The following PIEZO1 variants were observed in gnomAD, a reference collection of about 807,000 sequenced individuals.
The protein encoded by PIEZO1 is piezo-type mechanosensitive ion channel component 1.
PIEZO1 carries 296 observed loss-of-function variants against 297.2 expected under a neutral mutation model. That is an observed-to-expected ratio of 1.00 (90% CI 0.91 to 1.10). The LOEUF is 1.10. Ranked by LOEUF, PIEZO1 falls within the 50% of genes least tolerant of loss-of-function variation. The pLI is 0.00. For synonymous variants in PIEZO1, 2,427 were observed against 1,507.5 expected (o/e 1.61, Z -14.13); for missense variants, 5,018 against 3,455.5 (o/e 1.45, Z -11.34).
At chr16:88,762,711 G>T (rs1034892863) in intron 1 of PIEZO1, among the ~76,000 whole-genome samples, 2 of 152,218 alleles carry the variant, frequency 1.3e-5, no homozygotes, top group Non-Finnish European at 2.9e-5. Flanking sequence ...GGCTTCTGTT[G>T]TGCCACTTGT....
chr16:88,757,331 G>GGGGGGGT (rs1567687620), intron 1 of PIEZO1, among the ~76,000 whole-genome samples: 5 of 117,310 alleles, frequency 4.3e-5, no homozygotes, highest in African/African-American at 2.1e-4. Flanking sequence ...GGGGGGTGGG[G>GGGGGGGT]GGTAGTTACC....
At chr16:88,781,169 G>A (rs1237350228) in intron 1 of PIEZO1, among the ~76,000 whole-genome samples, 1 of 152,220 alleles carries the variant, frequency 6.6e-6, no homozygotes, top group Non-Finnish European at 1.5e-5. Context: ...GGCCCACGGT[G>A]GTTCCCCTTC....
At position 88,769,520 on chromosome 16, in the gene PIEZO1, G is replaced by C. The variant is rs111270945; in HGVS notation, c.64+15381C>G. ...GACAGACCTGCGGAACGCCTCGGCA[G>C]CAATGGAGCTGTGGGACCGGTCCCG... On this transcript the variant is annotated intron_variant, in intron 1 of 50. Coordinates refer to ENST00000301015, the MANE Select transcript of PIEZO1 (RefSeq NM_001142864.4). 6.3e-3 allele frequency among the ~76,000 whole-genome samples: 964 copies of C among 152,326 alleles called. 14 individuals carry two copies. Among genetic ancestry groups the C allele is most frequent in the African/African-American group, 0.021 (854 of 41,570 alleles).
chr16:88,754,424 C>T (rs1012239266), intron 1 of PIEZO1, among the ~76,000 whole-genome samples: 6 of 152,230 alleles, frequency 3.9e-5, no homozygotes, highest in Admixed American at 3.9e-4. Context: ...CAGGGGATGT[C>T]AGATGCCTGA....
intron 39 of PIEZO1, 131 bp downstream of exon 39, chr16:88,721,035 A>T: frequency 2.1e-6 from 2 of 975,172 alleles, no homozygotes; most frequent in South Asian, 3.5e-5. Flanking sequence ...GTGGCTCAGA[A>T]GTGGCACCTT....
Position 88,723,913 on chromosome 16 carries a change from A to G in PIEZO1, c.4293T>C (p.Ala1431=), listed in dbSNP as rs1390762514. 1.3e-6 allele frequency: 2 copies of G among 1,549,814 alleles called. No homozygotes were observed. The highest frequency in any genetic ancestry group is 2.7e-5 in the African/African-American group (2 of 73,058). Residue 1431 remains alanine, a synonymous_variant, in exon 31 of 51, where the codon GCT becomes GCC. Transcript: ENST00000301015. ...FESDSEEEEE[A]VPEDPRPSAQ... ...CCGACGGCCTCGGGTCTTCAGGAACAGCCTCCTCCTCTTCCTCACTGTCGG... is the reference window on the plus strand; with the variant it reads ...CCGACGGCCTCGGGTCTTCAGGAACGGCCTCCTCCTCTTCCTCACTGTCGG...
chr16:88,745,935 G>C (rs954234394), intron 2 of PIEZO1, among the ~76,000 whole-genome samples: 125 of 152,252 alleles, frequency 8.2e-4, no homozygotes, highest in African/African-American at 2.8e-3. Context: ...GCCCCACCAC[G>C]GCAGCATCCT....
At position 88,726,527 on chromosome 16, in the gene PIEZO1, C is replaced by T. The variant is rs1687263843; in HGVS notation, c.3796+20G>A. On this transcript the variant is annotated intron_variant, in intron 26 of 50. Coordinates refer to ENST00000301015, the MANE Select transcript of PIEZO1 (RefSeq NM_001142864.4). ...GGGGGCTTCCCCACGCCCTCCCCCG[C>T]CACCGTCCTGGCCACTCACGGTCAT... 3 of 1,547,224 alleles carry T rather than the reference C, an allele frequency of 1.9e-6. No homozygotes were observed. The highest frequency in any genetic ancestry group is 2.7e-5 in the African/African-American group (2 of 72,972).
Position 88,733,361 on chromosome 16 carries a change from A to T in PIEZO1, c.2581T>A (p.Trp861Arg), listed in dbSNP as rs952164888. Residue 861 changes from tryptophan to arginine, a missense_variant, in exon 19 of 51, where the codon TGG becomes AGG. Coordinates refer to ENST00000301015, the MANE Select transcript of PIEZO1 (RefSeq NM_001142864.4). ...TTACACACGATGATGACGCAGGTCC[A>T]CACGGTGGACAGGCAGGAGGCCATG... The part of the protein sequence containing the change: ...RPMASCLSTV[W>R]TCVIIVCKML... 1 of 1,550,264 alleles carries T rather than the reference A, an allele frequency of 6.5e-7. No homozygotes were observed.
rs1905027580 is a variant in PIEZO1 at position 88,733,711 on chromosome 16, C to T, written c.2364G>A (p.Leu788=). The T allele has an allele frequency of 6.5e-7, 1 of 1,547,912 alleles. No individual in the cohort carries two copies. The highest frequency in any genetic ancestry group is 1.2e-5 in the South Asian group (1 of 83,796). The change falls in exon 18 of 51, where the codon CTG becomes CTA. Residue 788 remains leucine (L), a synonymous_variant. Coordinates refer to ENST00000301015, the MANE Select transcript of PIEZO1 (RefSeq NM_001142864.4). The stretch of plus-strand genomic sequence containing the variant: ...CCGAGAAGCCGGCTGCCAGCTCCAG[C>T]AGCCGCTCAGCCACCAGGCCCCACT... ...AAKWGLVAER[L]LELAAGFSDV...
chr16:88,782,392 G>A (rs1907975431), intron 1 of PIEZO1, among the ~76,000 whole-genome samples: 1 of 152,212 alleles, frequency 6.6e-6, no homozygotes, highest in African/African-American at 2.4e-5. Flanking sequence ...GATTACAGGT[G>A]TGAGCCATCG....
intron 29 of PIEZO1, 114 bp from the exon 30 acceptor site, chr16:88,725,194 A>C: frequency 3.8e-6 from 3 of 792,212 alleles, no homozygotes; most frequent in Non-Finnish European, 5.9e-6. Context: ...GGACACCCAC[A>C]GTGACGGGGG....
Position 88,736,781 on chromosome 16 carries a change from CAGGCCT to C in PIEZO1, c.1196-48_1196-43del, listed in dbSNP as rs1905249074. ...CGGTCAGCTTCGGCAGGTTGATCTG[CAGGCCT>C]CCCCACCCTGACTATGCCCTAAAAT... On this transcript the variant is annotated intron_variant, in intron 10 of 50. Transcript: ENST00000301015. 4 of 1,281,112 alleles carry C rather than the reference CAGGCCT, an allele frequency of 3.1e-6. No individual in the cohort carries two copies. The South Asian group carries it at 4.0e-5, about 13-fold the overall frequency. 79.4% of individuals were successfully genotyped at this position (1,281,112 alleles called of 1,614,324 possible). A position where few individuals can be genotyped will look rare whatever the true frequency, so the allele number is the denominator to read the frequency against.
rs114403731 is a variant in PIEZO1, at chr16:88,738,357, T to C, written c.718A>G (p.Ile240Val). The C allele has an allele frequency of 6.8e-4, 1,041 of 1,535,636 alleles. 7 individuals carry two copies. The African/African-American group carries it at 0.012, about 17-fold the overall frequency. Residue 240 changes from isoleucine to valine, a missense_variant, in exon 7 of 51, where the codon ATC (isoleucine) becomes GTC (valine). Physicochemically the swap from Ile to Val is conservative, Grantham distance 29. Coordinates refer to ENST00000301015, the MANE Select transcript of PIEZO1 (RefSeq NM_001142864.4). ...AGTCTGCTGAAGCCCCGAGTGCTGA[T>C]GGGAAAGTGGCAGGCCCACCAGGTG... ...LCTWWACHFP[I>V]STRGFSRLCV...
chr16:88,776,511 G>C (rs1394441014), intron 1 of PIEZO1, among the ~76,000 whole-genome samples: 1 of 152,194 alleles, frequency 6.6e-6, no homozygotes, highest in Admixed American at 6.5e-5. Context: ...AGCTTCCCTT[G>C]GAGGGGCCCC....
chr16:88,739,006 G>A (rs1905453723), intron 5 of PIEZO1: 3 of 540,552 alleles, frequency 5.5e-6, no homozygotes, highest in Non-Finnish European at 6.7e-6. Context: ...GTCCTGCCAA[G>A]CCCAGGCACG....
At chr16:88,766,361 G>C (rs1372471984) in intron 1 of PIEZO1, among the ~76,000 whole-genome samples, 1 of 152,196 alleles carries the variant, frequency 6.6e-6, no homozygotes, top group Non-Finnish European at 1.5e-5. Context: ...TTGACAGCCA[G>C]CGCGCCCTGC....
chr16:88,783,186 C>T (rs2142916949), intron 1 of PIEZO1, among the ~76,000 whole-genome samples: 1 of 152,270 alleles, frequency 6.6e-6, no homozygotes, highest in East Asian at 1.9e-4. Flanking sequence ...CCCAGATCCC[C>T]CACGCGGATA....
chr16:88,724,681 C>G (rs1328314886), intron 30 of PIEZO1, among the ~76,000 whole-genome samples: 1 of 152,100 alleles, frequency 6.6e-6, no homozygotes, highest in Non-Finnish European at 1.5e-5. Context: ...AGTGACAGAG[C>G]GAGACTCCAT....
Sources: gnomAD v4.1 joint callset for allele counts (sites outside exome capture counted in the v4.1 genomes callset) on GRCh38, gnomAD v4.1.1 for gene constraint, MANE v1.5 for transcripts, NCBI Gene and HGNC (gene_info 2026-07-23, HGNC 2026-07-21) for gene names.